ANKRD44: variants seen among roughly 807,000 people sequenced by gnomAD.
ANKRD44 encodes ankyrin repeat domain 44.
ANKRD44 carries 35 observed loss-of-function variants against 116.0 expected under a neutral mutation model. The ratio of observed to expected loss-of-function variants is 0.30; its 90% CI spans 0.23 to 0.40. The LOEUF (loss-of-function observed/expected upper bound fraction) is 0.40, where lower values mean the gene tolerates loss of function less well. Among genes scored for constraint, ANKRD44 ranks in the 10% least tolerant of loss-of-function variants. The pLI is 1.00. For synonymous variants in ANKRD44, 435 were observed against 461.8 expected, an observed-to-expected ratio of 0.94 and a Z score of 0.74; for missense variants, 1,014 against 1,242.6, an observed-to-expected ratio of 0.82 and a Z score of 2.77.
intron 1 of ANKRD44, among the ~76,000 whole-genome samples, chr2:197,302,799 T>C (rs183253997): frequency 5.3e-5 from 8 of 152,334 alleles, no homozygotes; most frequent in African/African-American, 1.9e-4. Context: ...GTGGTCACCA[T>C]GTCAACTGCA....
chr2:197,138,536 A>AGGT (rs1205750397), intron 3 of ANKRD44, among the ~76,000 whole-genome samples: 2 of 152,270 alleles, frequency 1.3e-5, no homozygotes, highest in African/African-American at 2.4e-5. Context: ...ACACAGTGTC[A>AGGT]GGTGATGGTC....
At chr2:197,104,821 T>G (rs1393883424) in intron 9 of ANKRD44, among the ~76,000 whole-genome samples, 1 of 152,208 alleles carries the variant, frequency 6.6e-6, no homozygotes, top group Non-Finnish European at 1.5e-5. Context: ...AACAAAAATG[T>G]GTGCACTTTG....
In ANKRD44 at chr2:197,000,480, C is replaced by T. The variant is rs751739685; in HGVS notation, c.2458G>A (p.Ala820Thr). ...CAIINDHGNC[A>T]SLLLGAIDSS... ...TCTATGGCCCCAAGCAGCAATGATG[C>T]ACAATTCCCATGATCATTGATTCTA... Residue 820 changes from alanine to threonine, a missense_variant, in exon 23 of 28, where the codon GCA becomes ACA. Physicochemically the swap from Ala to Thr is moderately conservative, Grantham distance 58. Transcript: ENST00000282272. 7 of 1,613,846 alleles carry T rather than the reference C, an allele frequency of 4.3e-6. No homozygotes were observed. Among genetic ancestry groups the T allele is most frequent in the Non-Finnish European group, 5.9e-6 (7 of 1,179,894 alleles).
chr2:197,015,631 G>A, intron 17 of ANKRD44: 1 of 559,344 alleles, frequency 1.8e-6, no homozygotes, highest in South Asian at 2.0e-5. Context: ...AAGAGGCTAT[G>A]GTGGTGAAGG....
chr2:197,072,040 GAGGAAAGAAGGAAGGAAGGAAGGAAGGA>G (rs1254399528), intron 16 of ANKRD44, among the ~76,000 whole-genome samples: 13 of 132,558 alleles, frequency 9.8e-5, no homozygotes, highest in Middle Eastern at 3.8e-3. Flanking sequence ...GGGATGGAGG[GAGGAAAGAAGGAAGGAAGGAAGGAAGGA>G]AGGAAGGAAG....
At chr2:197,196,161 G>C (rs6726315) in intron 1 of ANKRD44, among the ~76,000 whole-genome samples, 35,403 of 152,072 alleles carry the variant, frequency 0.23, 4,311 homozygotes, top group Middle Eastern at 0.27. Flanking sequence ...TTGTATAACT[G>C]TATCTTACTG....
chr2:197,055,193 A>G (rs561775731), intron 16 of ANKRD44, among the ~76,000 whole-genome samples: 1 of 152,312 alleles, frequency 6.6e-6, no homozygotes, highest in East Asian at 1.9e-4. Flanking sequence ...GATGACTATT[A>G]AAGCTGAATA....
intron 1 of ANKRD44, among the ~76,000 whole-genome samples, chr2:197,259,154 TAGGA>T (rs1236996957): frequency 6.6e-6 from 1 of 152,104 alleles, no homozygotes; most frequent in African/African-American, 2.4e-5. Flanking sequence ...TTTTATTGTC[TAGGA>T]AGATTAATGA....
intron 1 of ANKRD44, among the ~76,000 whole-genome samples, chr2:197,254,399 CA>C (rs2082393458): frequency 8.2e-6 from 1 of 122,444 alleles, no homozygotes; most frequent in African/African-American, 3.0e-5. Flanking sequence ...ACAACAACAA[CA>C]AAAAAAACTT....
intron 16 of ANKRD44, among the ~76,000 whole-genome samples, chr2:197,076,107 G>C (rs1480626546): frequency 6.6e-6 from 1 of 152,162 alleles, no homozygotes. Context: ...AGAAGCATAG[G>C]CTGGGATGGT....
intron 1 of ANKRD44, among the ~76,000 whole-genome samples, chr2:197,260,769 G>A (rs1278036967): frequency 1.3e-5 from 2 of 150,560 alleles, no homozygotes; most frequent in East Asian, 1.9e-4. Context: ...TTTAATGATC[G>A]CCATTTTAAC....
At chr2:197,299,919 A>G (rs886824577) in intron 1 of ANKRD44, among the ~76,000 whole-genome samples, 64 of 152,220 alleles carry the variant, frequency 4.2e-4, no homozygotes, top group Admixed American at 1.0e-3. Context: ...GATCCTTTCA[A>G]TGAAGTCCTT....
chr2:197,074,427 G>C (rs2077622692), intron 16 of ANKRD44, among the ~76,000 whole-genome samples: 2 of 152,004 alleles, frequency 1.3e-5, no homozygotes, highest in South Asian at 4.1e-4. Context: ...TTCTCTACCT[G>C]CTTTCTTAGT....
intron 1 of ANKRD44, among the ~76,000 whole-genome samples, chr2:197,210,973 C>T (rs2081311377): frequency 6.6e-6 from 1 of 152,142 alleles, no homozygotes; most frequent in Non-Finnish European, 1.5e-5. Context: ...GGGGATCACA[C>T]ACTCCCTCAT....
chr2:197,068,567 A>G (rs1257930402), intron 16 of ANKRD44, among the ~76,000 whole-genome samples: 5 of 152,002 alleles, frequency 3.3e-5, no homozygotes, highest in Non-Finnish European at 5.9e-5. Flanking sequence ...CTATTCATCT[A>G]AGGGCTAATA....
At chr2:197,221,141 C>T (rs1031065014) in intron 1 of ANKRD44, among the ~76,000 whole-genome samples, 3 of 151,836 alleles carry the variant, frequency 2.0e-5, no homozygotes, top group Non-Finnish European at 4.4e-5. Context: ...ATCTCAGCTA[C>T]TTGGGAAGCT....
chr2:197,246,145 A>G (rs537420343), intron 1 of ANKRD44, among the ~76,000 whole-genome samples: 1 of 152,144 alleles, frequency 6.6e-6, no homozygotes, highest in Admixed American at 6.5e-5. Flanking sequence ...CCCATGAATG[A>G]CTGTGCCCTG....
chr2:197,088,874 G>C (rs765469331), intron 11 of ANKRD44, 100 bp from the exon 12 acceptor site: 1 of 1,337,054 alleles, frequency 7.5e-7, no homozygotes, highest in Non-Finnish European at 1.0e-6. Flanking sequence ...AAATCAGTTA[G>C]TAGAAAAACC....
chr2:197,133,661 A>T (rs1260253983), intron 4 of ANKRD44, among the ~76,000 whole-genome samples: 1 of 152,250 alleles, frequency 6.6e-6, no homozygotes. Context: ...TCTCAGCTGA[A>T]ACCATATATC....
Sources: allele counts gnomAD v4.1 joint callset (sites outside exome capture counted in the v4.1 genomes callset), GRCh38; gene constraint gnomAD v4.1.1; transcripts MANE v1.5; gene names NCBI Gene and HGNC (gene_info 2026-07-23, HGNC 2026-07-21).